SLC35F4: variants seen among roughly 807,000 people sequenced by gnomAD.
SLC35F4 encodes chromosome 14 open reading frame 36.
In SLC35F4, 24 loss-of-function variants were observed where a neutral mutation model predicts 44.2. That is an observed-to-expected ratio of 0.54 (90% CI 0.39 to 0.76). The LOEUF (loss-of-function observed/expected upper bound fraction) is 0.76. Among genes scored for constraint, SLC35F4 ranks in the 30% least tolerant of loss-of-function variants. SLC35F4 has a pLI of 0.00. For missense variants in SLC35F4, 562 were observed against 586.1 expected, an observed-to-expected ratio of 0.96 and a Z score of 0.42; for synonymous variants, 238 against 223.6, an observed-to-expected ratio of 1.06 and a Z score of -0.57.
chr14:57,577,741 T>G lies in SLC35F4; in HGVS notation c.807+3473A>C, dbSNP rs954331489. Reference sequence around the variant, plus strand: ...AGAACTCTAGCTAAACATAATAAGGTCTGAGAGACAGGAGAACACCTATTT... The same window carrying G: ...AGAACTCTAGCTAAACATAATAAGGGCTGAGAGACAGGAGAACACCTATTT... On this transcript the variant is annotated intron_variant, in intron 4 of 7. Transcript: ENST00000556826. Among the ~76,000 whole-genome samples the G allele has an allele frequency of 2.6e-5, 4 of 152,100 alleles. No homozygotes were observed. The South Asian group carries it at 6.2e-4, about 24-fold the overall frequency.
downstream of SLC35F4, among the ~76,000 whole-genome samples, chr14:57,974,430 G>A (rs1881149897): frequency 6.6e-6 from 1 of 152,158 alleles, no homozygotes; most frequent in Admixed American, 6.5e-5. Flanking sequence ...CAAAAGATGG[G>A]GAGTTAGACT....
chr14:57,755,023 T>C (rs2076964740), intron 1 of SLC35F4, among the ~76,000 whole-genome samples: 1 of 152,156 alleles, frequency 6.6e-6, no homozygotes, highest in African/African-American at 2.4e-5. Flanking sequence ...CAATGTAAAC[T>C]TCGTGGTGTG....
intron 1 of SLC35F4, 45 bp downstream of exon 1, chr14:57,865,678 A>G: frequency 1.4e-6 from 2 of 1,471,420 alleles, no homozygotes; most frequent in Admixed American, 4.3e-5. Context: ...CTGCGCGCCC[A>G]CCTCCCTTCC....
chr14:57,805,888 A>G (rs1205159245), intron 1 of SLC35F4, among the ~76,000 whole-genome samples: 3 of 152,242 alleles, frequency 2.0e-5, no homozygotes, highest in Non-Finnish European at 4.4e-5. Flanking sequence ...AAGTAAGGTC[A>G]CAACAATGTA....
chr14:57,577,035 C>A (rs1297203844), intron 4 of SLC35F4, among the ~76,000 whole-genome samples: 1 of 152,294 alleles, frequency 6.6e-6, no homozygotes, highest in East Asian at 1.9e-4. Context: ...TGTCCATCCT[C>A]CACTGCCTCT....
intron 1 of SLC35F4, chr14:57,596,055 T>G (rs1332541005): frequency 6.6e-6 from 1 of 152,242 alleles, no homozygotes; most frequent in African/African-American, 2.4e-5. Flanking sequence ...AAGATCATAA[T>G]TGAAATGTTT....
intron 1 of SLC35F4, among the ~76,000 whole-genome samples, chr14:57,889,603 G>T (rs1307304140): frequency 3.9e-5 from 6 of 152,216 alleles, no homozygotes; most frequent in Non-Finnish European, 8.8e-5. Context: ...CCTGGCCATA[G>T]TAGTGTCTCT....
intron 1 of SLC35F4, among the ~76,000 whole-genome samples, chr14:57,611,682 A>C (rs953278308): frequency 6.6e-6 from 1 of 152,188 alleles, no homozygotes; most frequent in African/African-American, 2.4e-5. Flanking sequence ...CCCATTGGCT[A>C]TGGCAATAAG....
intron 6 of SLC35F4, among the ~76,000 whole-genome samples, chr14:57,569,492 G>A (rs1316280292): frequency 6.6e-6 from 1 of 152,144 alleles, no homozygotes; most frequent in Non-Finnish European, 1.5e-5. Flanking sequence ...ATGATACAGT[G>A]TATTAGAAAG....
intron 1 of SLC35F4, among the ~76,000 whole-genome samples, chr14:57,713,912 AC>A (rs1437702833): frequency 1.3e-5 from 2 of 151,860 alleles, no homozygotes; most frequent in Non-Finnish European, 2.9e-5. Flanking sequence ...TACCTCCCCC[AC>A]CCCCCATGGG....
chr14:57,644,466 T>C (rs1402025417), intron 1 of SLC35F4, among the ~76,000 whole-genome samples: 1 of 151,882 alleles, frequency 6.6e-6, no homozygotes, highest in Non-Finnish European at 1.5e-5. Context: ...GATGGGTTTT[T>C]TTTTTCCTTG....
chr14:57,933,146 C>T (rs1169989585), intron 1 of SLC35F4, among the ~76,000 whole-genome samples: 1 of 151,612 alleles, frequency 6.6e-6, no homozygotes, highest in Non-Finnish European at 1.5e-5. Context: ...CTCAGCCTCC[C>T]TAGTAGCTGG....
intron 1 of SLC35F4, among the ~76,000 whole-genome samples, chr14:57,950,671 C>CTT (rs1037402012): frequency 7.6e-5 from 6 of 79,040 alleles, no homozygotes; most frequent in African/African-American, 2.9e-4. Flanking sequence ...TCTTTTCTTT[C>CTT]TTTCTTTTTT....
intron 1 of SLC35F4, among the ~76,000 whole-genome samples, chr14:57,935,120 G>C (rs1889773241): frequency 6.6e-6 from 1 of 152,156 alleles, no homozygotes; most frequent in South Asian, 2.1e-4. Context: ...GCCTCTCTTG[G>C]GGAGGAGTGA....
At chr14:57,886,895 G>A (rs1425125622) in intron 1 of SLC35F4, among the ~76,000 whole-genome samples, 2 of 152,190 alleles carry the variant, frequency 1.3e-5, no homozygotes, top group Non-Finnish European at 2.9e-5. Context: ...GAAAGAGAAA[G>A]CATCCCTAAC....
chr14:57,932,778 G>C (rs532894174), intron 1 of SLC35F4, among the ~76,000 whole-genome samples: 2 of 152,154 alleles, frequency 1.3e-5, no homozygotes, highest in South Asian at 4.2e-4. Context: ...GAATCCAGGG[G>C]GCAGAGGTTG....
chr14:57,903,486 G>A (rs938462605), intron 1 of SLC35F4, among the ~76,000 whole-genome samples: 1 of 152,210 alleles, frequency 6.6e-6, no homozygotes, highest in Non-Finnish European at 1.5e-5. Context: ...AGAAAGTTCA[G>A]AGGAGCCTAA....
intron 1 of SLC35F4, among the ~76,000 whole-genome samples, chr14:57,817,908 A>G (rs1400000919): frequency 6.6e-6 from 1 of 152,130 alleles, no homozygotes; most frequent in Admixed American, 6.6e-5. Flanking sequence ...CACCACCTGA[A>G]TGTATTCTCC....
rs2073841839 is a variant in SLC35F4 at position 57,653,038 on chromosome 14, C to T, written c.104-58914G>A. Among the ~76,000 whole-genome samples the T allele has an allele frequency of 2.0e-5, 3 of 152,178 alleles. 1 individual carries two copies. In the South Asian group the frequency reaches 6.2e-4, roughly 32 times the overall value. On this transcript the variant is annotated intron_variant, in intron 1 of 7. Coordinates refer to ENST00000556826, the MANE Select transcript of SLC35F4 (RefSeq NM_001306087.2). ...AGTAATCTGCTTAGGTTACAAGCAA[C>T]CCCTTCAGACTGCAGAAGCCTTTGC...
Sources: allele counts gnomAD v4.1 joint callset (sites outside exome capture counted in the v4.1 genomes callset), GRCh38; gene constraint gnomAD v4.1.1; transcripts MANE v1.5; gene names NCBI Gene and HGNC (gene_info 2026-07-23, HGNC 2026-07-21).